Variants in LRP1B observed in about 807,000 individuals in gnomAD.
LRP1B encodes low-density lipoprotein receptor-related protein 1B.
In LRP1B, 217 loss-of-function variants were observed where a neutral mutation model predicts 556.6. The observed-to-expected ratio is 0.39, with a 90% CI of 0.35 to 0.44. The LOEUF (loss-of-function observed/expected upper bound fraction) is 0.44, where lower values mean the gene tolerates loss of function less well. Ranked by LOEUF, LRP1B falls within the 20% of genes least tolerant of loss-of-function variation. The pLI is 1.00. For synonymous variants in LRP1B, 2,047 were observed against 1,865.8 expected (o/e 1.10, Z -2.50); for missense variants, 5,053 against 5,620.8 (o/e 0.90, Z 3.23).
chr2:141,112,776 G>A (rs1196211379), intron 7 of LRP1B, among the ~76,000 whole-genome samples: 4 of 152,074 alleles, frequency 2.6e-5, no homozygotes, highest in Non-Finnish European at 4.4e-5. Context: ...TTACTGAATG[G>A]AACTACTGCA....
At chr2:140,376,954 C>T (rs537798346) in intron 68 of LRP1B, among the ~76,000 whole-genome samples, 8 of 151,418 alleles carry the variant, frequency 5.3e-5, no homozygotes, top group Non-Finnish European at 1.2e-4. Flanking sequence ...AATCCTCTGG[C>T]CAAGTCTATG....
At position 141,448,406 on chromosome 2, in the gene LRP1B, C is replaced by A. The variant is rs1261062202; in HGVS notation, c.343+31990G>T. On this transcript the variant is annotated intron_variant, in intron 3 of 90. Transcript: ENST00000389484. Reference sequence around the variant, plus strand: ...CACTTGGCTTCCTGGCTTCAGCTCCCATACCAGGGGAGTGAACGATTCTGT... The same window carrying A: ...CACTTGGCTTCCTGGCTTCAGCTCCAATACCAGGGGAGTGAACGATTCTGT... 2.0e-5 allele frequency among the ~76,000 whole-genome samples: 3 copies of A among 152,172 alleles called. No homozygotes were observed. In the East Asian group the frequency reaches 5.8e-4, roughly 29 times the overall value.
At chr2:140,406,524 G>A (rs1020941579) in intron 66 of LRP1B, among the ~76,000 whole-genome samples, 1 of 151,990 alleles carries the variant, frequency 6.6e-6, no homozygotes. Flanking sequence ...ATGTACAGAA[G>A]TCACCAGCAC....
intron 41 of LRP1B, among the ~76,000 whole-genome samples, chr2:140,619,741 G>C (rs574037): frequency 0.41 from 62,554 of 151,890 alleles, 13,101 homozygotes; most frequent in South Asian, 0.49. Context: ...TATTATTATG[G>C]CAATGCAGAG....
Position 140,923,010 on chromosome 2 carries a change from T to C in LRP1B, c.3274A>G (p.Ile1092Val), listed in dbSNP as rs1450005029. 1.9e-6 allele frequency: 3 copies of C among 1,613,158 alleles called. No homozygotes were observed. Among genetic ancestry groups the C allele is most frequent in the East Asian group, 2.2e-5 (1 of 44,838 alleles). Reference protein sequence around the residue: ...GSDEKGCNGTIRLCDHKTKFS... With the variant: ...GSDEKGCNGTVRLCDHKTKFS... ...TTGGTTTTGTGGTCACACAATCGTA[T>C]GGTACCATTGCAACCTTTTTCATCA... The change falls in exon 21 of 91, where the codon ATA (isoleucine) becomes GTA (valine). Residue 1092 changes from isoleucine to valine, a missense_variant. Coordinates refer to ENST00000389484, the MANE Select transcript of LRP1B (RefSeq NM_018557.3).
intron 7 of LRP1B, among the ~76,000 whole-genome samples, chr2:141,065,731 G>A (rs4954875): frequency 0.26 from 38,948 of 151,652 alleles, 5,343 homozygotes; most frequent in East Asian, 0.44. Context: ...ACACAAAAAG[G>A]AATTTCAATG....
At chr2:140,246,076 T>C (rs1161267746) in intron 87 of LRP1B, among the ~76,000 whole-genome samples, 1 of 151,378 alleles carries the variant, frequency 6.6e-6, no homozygotes, top group East Asian at 1.9e-4. Flanking sequence ...CGAAACTGTC[T>C]GGGGGCAGAG....
chr2:141,595,217 G>A (rs1305302136), intron 2 of LRP1B, among the ~76,000 whole-genome samples: 1 of 152,068 alleles, frequency 6.6e-6, no homozygotes, highest in Non-Finnish European at 1.5e-5. Flanking sequence ...ATGTTGCTTT[G>A]TGAAGGTTTT....
intron 67 of LRP1B, among the ~76,000 whole-genome samples, chr2:140,384,515 TA>T (rs1430402205): frequency 6.6e-6 from 1 of 152,198 alleles, no homozygotes; most frequent in Non-Finnish European, 1.5e-5. Context: ...TGTGACCTGT[TA>T]GAAGATATGT....
intron 3 of LRP1B, among the ~76,000 whole-genome samples, chr2:141,299,302 T>A (rs1465335164): frequency 6.6e-6 from 1 of 152,202 alleles, no homozygotes; most frequent in Non-Finnish European, 1.5e-5. Context: ...TTTCACTATC[T>A]GCAATTTTAT....
intron 75 of LRP1B, among the ~76,000 whole-genome samples, chr2:140,354,774 C>A (rs531933820): frequency 6.6e-6 from 1 of 152,000 alleles, no homozygotes. Context: ...AAAACAGTAC[C>A]TGGCACTCAG....
chr2:140,726,440 G>A (rs1687596619), intron 35 of LRP1B, among the ~76,000 whole-genome samples: 1 of 152,178 alleles, frequency 6.6e-6, no homozygotes, highest in South Asian at 2.1e-4. Context: ...CAAAGCACAA[G>A]GCAGCTCATC....
chr2:141,136,622 G>C (rs1021343028), intron 7 of LRP1B, among the ~76,000 whole-genome samples: 2 of 56,020 alleles, frequency 3.6e-5, no homozygotes, highest in Non-Finnish European at 6.7e-5. Flanking sequence ...AGGATATAAA[G>C]TGATGAGCAA....
intron 1 of LRP1B, among the ~76,000 whole-genome samples, chr2:141,883,681 G>A (rs1243367829): frequency 6.6e-6 from 1 of 152,084 alleles, no homozygotes; most frequent in Non-Finnish European, 1.5e-5. Context: ...CCATGACTGT[G>A]CTGCTGCACT....
At chr2:140,676,101 T>C (rs1335916456) in intron 41 of LRP1B, among the ~76,000 whole-genome samples, 1 of 152,168 alleles carries the variant, frequency 6.6e-6, no homozygotes, top group Non-Finnish European at 1.5e-5. Context: ...TAAGTACTTA[T>C]TTTCACATAA....
chr2:141,480,754 G>A lies in LRP1B; in HGVS notation c.206-221C>T, dbSNP rs1216578658. On this transcript the variant is annotated intron_variant, in intron 2 of 90. Coordinates refer to ENST00000389484, the MANE Select transcript of LRP1B (RefSeq NM_018557.3). ...GGAAATATGTATTTTTTCAAATAAC[G>A]CATTAAAAACATAAATATTCTTTTC... Among the ~76,000 whole-genome samples, 4 of 152,008 alleles carry A rather than the reference G, an allele frequency of 2.6e-5. No homozygotes were observed. In the East Asian group the frequency reaches 5.8e-4, roughly 22 times the overall value.
intron 3 of LRP1B, among the ~76,000 whole-genome samples, chr2:141,424,048 G>C (rs1168851147): frequency 6.6e-6 from 1 of 151,184 alleles, no homozygotes; most frequent in African/African-American, 2.4e-5. Context: ...CACAATTTCT[G>C]TCCAATGGAT....
chr2:141,352,610 T>A (rs1231793792), intron 3 of LRP1B, among the ~76,000 whole-genome samples: 1 of 151,856 alleles, frequency 6.6e-6, no homozygotes, highest in African/African-American at 2.4e-5. Context: ...AATGATAAAA[T>A]TTTTAAACAG....
At chr2:141,216,625 T>C (rs537308163) in intron 6 of LRP1B, among the ~76,000 whole-genome samples, 1 of 152,308 alleles carries the variant, frequency 6.6e-6, no homozygotes, top group South Asian at 2.1e-4. Flanking sequence ...CCACAGTAGA[T>C]GTACCCTACA....
Sources: allele counts gnomAD v4.1 joint callset (sites outside exome capture counted in the v4.1 genomes callset), GRCh38; gene constraint gnomAD v4.1.1; transcripts MANE v1.5; gene names NCBI Gene and HGNC (gene_info 2026-07-23, HGNC 2026-07-21).